GRM8: variants seen among roughly 807,000 people sequenced by gnomAD.
The protein encoded by GRM8 is metabotropic glutamate receptor 8.
A neutral mutation model predicts 87.2 loss-of-function variants in GRM8; 47 were observed. The ratio of observed to expected loss-of-function variants is 0.54; its 90% confidence interval spans 0.43 to 0.69. The LOEUF (loss-of-function observed/expected upper bound fraction) is 0.69, where lower values mean the gene tolerates loss of function less well. Among genes scored for constraint, GRM8 ranks in the 30% least tolerant of loss-of-function variants. GRM8 has a pLI of 0.00. For missense variants in GRM8, 1,019 were observed against 1,139.2 expected (o/e 0.89, Z 1.52); for synonymous variants, 396 against 404.5 (o/e 0.98, Z 0.25).
intron 2 of GRM8, among the ~76,000 whole-genome samples, chr7:127,119,261 G>T (rs923828050): frequency 3.3e-5 from 5 of 152,054 alleles, no homozygotes; most frequent in Admixed American, 6.6e-5. Flanking sequence ...GGCCGAGTTG[G>T]GATTGCTTGA....
intron 6 of GRM8, among the ~76,000 whole-genome samples, chr7:126,817,564 C>G (rs910661354): frequency 3.9e-5 from 6 of 152,074 alleles, no homozygotes; most frequent in Non-Finnish European, 8.8e-5. Flanking sequence ...TGAGGATTAT[C>G]GATGTACAGT....
chr7:126,481,829 A>G (rs994198374), intron 9 of GRM8, among the ~76,000 whole-genome samples: 3 of 152,058 alleles, frequency 2.0e-5, no homozygotes, highest in African/African-American at 7.2e-5. Context: ...TGATCATTTT[A>G]CTTACCATAG....
intron 7 of GRM8, among the ~76,000 whole-genome samples, chr7:126,766,182 T>C (rs948014748): frequency 6.6e-6 from 1 of 152,050 alleles, no homozygotes; most frequent in African/African-American, 2.4e-5. Context: ...GCATACCACA[T>C]ACCTGGTTAC....
intron 9 of GRM8, among the ~76,000 whole-genome samples, chr7:126,448,690 A>G (rs1056341026): frequency 6.6e-6 from 1 of 151,960 alleles, no homozygotes; most frequent in Non-Finnish European, 1.5e-5. Flanking sequence ...GCTGATCTTA[A>G]TTATGTACTT....
rs188325140 is a variant in GRM8, at chr7:126,808,014, A to G, written c.1157-37949T>C. On this transcript the variant is annotated intron_variant, in intron 6 of 10. Transcript: ENST00000339582. ...TTCCACAATAAACCTCAGGGTAGAA[A>G]AAAATATCCTAGTCCTGAAACAGCT... Among the ~76,000 whole-genome samples, 53 of 152,306 alleles carry G rather than the reference A, an allele frequency of 3.5e-4. No homozygotes were observed. The East Asian group carries it at 0.01, about 29-fold the overall frequency.
chr7:127,042,094 T>C (rs1210937128), intron 3 of GRM8, among the ~76,000 whole-genome samples: 1 of 152,196 alleles, frequency 6.6e-6, no homozygotes, highest in Non-Finnish European at 1.5e-5. Flanking sequence ...TTTACATCTT[T>C]CTGAGAACAC....
rs186918089 is a variant in GRM8, at chr7:126,746,997, T to G, written c.1357+22868A>C. Among the ~76,000 whole-genome samples the G allele has an allele frequency of 3.2e-4, 48 of 152,000 alleles. 1 individual carries two copies. The highest frequency in any genetic ancestry group is 1.1e-3 in the African/African-American group (47 of 41,546). On this transcript the variant is annotated intron_variant, in intron 7 of 10. Coordinates refer to ENST00000339582, the MANE Select transcript of GRM8 (RefSeq NM_000845.3). ...TGCTAATATGTTTTGCTTATTATAT[T>G]TAAATGTATGTATCTTAACTCCTAA...
intron 7 of GRM8, among the ~76,000 whole-genome samples, chr7:126,682,350 G>A (rs933350730): frequency 2.0e-5 from 3 of 152,198 alleles, no homozygotes; most frequent in Non-Finnish European, 2.9e-5. Flanking sequence ...ATACATCTCA[G>A]GCACTGTCTT....
intron 2 of GRM8, among the ~76,000 whole-genome samples, chr7:127,237,819 T>C (rs1798064135): frequency 6.6e-6 from 1 of 152,230 alleles, no homozygotes; most frequent in African/African-American, 2.4e-5. Flanking sequence ...CAGTGCATCT[T>C]TGTGGACATT....
Position 126,946,935 on chromosome 7 carries a change from C to T in GRM8, c.728-42252G>A, listed in dbSNP as rs139285389. ...ATAACAATTCCAAGCCTTTATGATT[C>T]ATGTCATCATTAGAGTTTGACATCA... On this transcript the variant is annotated intron_variant, in intron 3 of 10. Transcript: ENST00000339582. Among the ~76,000 whole-genome samples the T allele has an allele frequency of 8.5e-5, 13 of 152,328 alleles. No homozygotes were observed. In the East Asian group the frequency reaches 2.3e-3, roughly 27 times the overall value.
At chr7:126,515,682 T>C (rs944001927) in intron 9 of GRM8, among the ~76,000 whole-genome samples, 5 of 152,104 alleles carry the variant, frequency 3.3e-5, no homozygotes, top group Admixed American at 1.3e-4. Flanking sequence ...CCTTGGCTCA[T>C]GGCCCCTTCC....
chr7:126,671,625 AAC>A (rs1035196028), intron 7 of GRM8, among the ~76,000 whole-genome samples: 15 of 152,234 alleles, frequency 9.9e-5, no homozygotes, highest in Non-Finnish European at 1.5e-5. Flanking sequence ...GCTCAGAAAG[AAC>A]AAGAGGGATG....
chr7:127,093,798 A>G (rs527818196), intron 3 of GRM8, among the ~76,000 whole-genome samples: 4 of 152,294 alleles, frequency 2.6e-5, no homozygotes, highest in South Asian at 4.1e-4. Flanking sequence ...TGAATCATGA[A>G]ATGGTTTTGG....
intron 8 of GRM8, among the ~76,000 whole-genome samples, chr7:126,608,833 G>C (rs1798625622): frequency 6.7e-6 from 1 of 148,850 alleles, no homozygotes; most frequent in Non-Finnish European, 1.5e-5. Flanking sequence ...GCGCGACCTC[G>C]GCTCACTGCA....
At chr7:126,656,464 G>C (rs143382285) in intron 7 of GRM8, among the ~76,000 whole-genome samples, 164 of 152,194 alleles carry the variant, frequency 1.1e-3, no homozygotes, top group Admixed American at 3.1e-3. Context: ...GGATCGCAAG[G>C]TCAGGAGATC....
chr7:126,807,260 A>G (rs916306998), intron 6 of GRM8, among the ~76,000 whole-genome samples: 2 of 152,098 alleles, frequency 1.3e-5, no homozygotes, highest in African/African-American at 4.8e-5. Context: ...AGCTCTCTAA[A>G]TGGCACAAGT....
intron 7 of GRM8, among the ~76,000 whole-genome samples, chr7:126,742,616 C>T (rs894181040): frequency 6.6e-6 from 1 of 151,882 alleles, no homozygotes; most frequent in African/African-American, 2.4e-5. Flanking sequence ...AGACTCTTAG[C>T]CTGCCTTCTG....
chr7:126,965,164 T>G (rs1330848034), intron 3 of GRM8, among the ~76,000 whole-genome samples: 2 of 151,720 alleles, frequency 1.3e-5, no homozygotes, highest in Non-Finnish European at 2.9e-5. Context: ...TGTCAGGCGG[T>G]TGGGGGGTCA....
intron 9 of GRM8, among the ~76,000 whole-genome samples, chr7:126,516,032 T>G (rs977732110): frequency 5.9e-5 from 9 of 152,092 alleles, no homozygotes; most frequent in African/African-American, 2.2e-4. Context: ...TTTGTATGAT[T>G]AATGTTTTTA....
Sources: gnomAD v4.1 joint callset for allele counts (sites outside exome capture counted in the v4.1 genomes callset) on GRCh38, gnomAD v4.1.1 for gene constraint, MANE v1.5 for transcripts, NCBI Gene and HGNC (gene_info 2026-07-23, HGNC 2026-07-21) for gene names.